Variants in CEP70 observed in about 807,000 individuals in gnomAD.
The protein encoded by CEP70 is centrosomal protein 70, also known as centrosomal protein of 70 kDa.
Under a neutral mutation model 90.9 loss-of-function variants are expected in CEP70, and 70 were observed. That is an observed-to-expected ratio of 0.77 (90% confidence interval 0.64 to 0.94). CEP70 has a LOEUF of 0.94. CEP70 is among the 40% of genes least tolerant of loss of function. The probability of loss-of-function intolerance (pLI) is 0.00; values close to 1 mark genes in which losing one functional copy is unlikely to be tolerated. For synonymous variants in CEP70, 220 were observed against 228.3 expected, an observed-to-expected ratio of 0.96 and a Z score of 0.33; for missense variants, 648 against 669.0, an observed-to-expected ratio of 0.97 and a Z score of 0.35.
At chr3:138,509,694 A>T (rs556710858) in intron 11 of CEP70, among the ~76,000 whole-genome samples, 125 of 151,058 alleles carry the variant, frequency 8.3e-4, no homozygotes, top group Non-Finnish European at 1.5e-3. Flanking sequence ...TTTTTATTTT[A>T]TTTTTTTTTA....
intron 6 of CEP70, among the ~76,000 whole-genome samples, chr3:138,562,840 A>C (rs921213255): frequency 6.6e-6 from 1 of 152,190 alleles, no homozygotes; most frequent in Non-Finnish European, 1.5e-5. Flanking sequence ...TACAGGATCA[A>C]ATTCACACAT....
intron 6 of CEP70, among the ~76,000 whole-genome samples, chr3:138,543,081 C>A (rs2038895109): frequency 6.6e-6 from 1 of 152,202 alleles, no homozygotes; most frequent in South Asian, 2.1e-4. Flanking sequence ...AGTTCTCACT[C>A]CAGGTTGCGG....
chr3:138,582,240 G>A (rs1478890789), intron 2 of CEP70, among the ~76,000 whole-genome samples: 11 of 152,144 alleles, frequency 7.2e-5, no homozygotes, highest in Admixed American at 3.3e-4. Flanking sequence ...TTGGGAGGCC[G>A]AGATGGGTGG....
intron 17 of CEP70, chr3:138,496,796 C>T: frequency 1.0e-6 from 1 of 985,416 alleles, no homozygotes; most frequent in Non-Finnish European, 1.2e-6. Flanking sequence ...CAGAATTCAT[C>T]TCCAGAGAAA....
At position 138,520,821 on chromosome 3, in the gene CEP70, C is replaced by T. The variant is rs1404708412; in HGVS notation, c.944+4669G>A. ...CTTTTCACGGTCTCCCCCTCTCCCT[C>T]GTCTCCGTCTCCCACTTGGCCACAG... On this transcript the variant is annotated intron_variant, in intron 11 of 17. Coordinates refer to ENST00000264982, the MANE Select transcript of CEP70 (RefSeq NM_024491.4). Among the ~76,000 whole-genome samples, 10 of 152,202 alleles carry T rather than the reference C, an allele frequency of 6.6e-5. No individual in the cohort carries two copies. In the East Asian group the frequency reaches 1.4e-3, roughly 21 times the overall value.
At chr3:138,497,525 C>T (rs2034055612) in intron 17 of CEP70, 1 of 970,088 alleles carries the variant, frequency 1.0e-6, no homozygotes, top group Non-Finnish European at 1.2e-6. Context: ...TTAGGAGACA[C>T]TACTACTAAT....
chr3:138,581,038 ACT>A (rs1380226687), intron 2 of CEP70, among the ~76,000 whole-genome samples: 1 of 151,842 alleles, frequency 6.6e-6, no homozygotes, highest in Non-Finnish European at 1.5e-5. Context: ...TAATCCCAAC[ACT>A]CTGGGAGGCC....
chr3:138,517,502 TA>T (rs1309857598), intron 11 of CEP70, among the ~76,000 whole-genome samples: 2 of 151,982 alleles, frequency 1.3e-5, no homozygotes, highest in East Asian at 3.9e-4. Flanking sequence ...CCGTCTCTAC[TA>T]AAAATACAAA....
At chr3:138,515,490 T>G (rs1182428328) in intron 11 of CEP70, among the ~76,000 whole-genome samples, 1 of 109,920 alleles carries the variant, frequency 9.1e-6, no homozygotes, top group South Asian at 2.9e-4. Context: ...AAAAAAAAAG[T>G]ATCACTAAAT....
At chr3:138,581,460 T>C (rs1298706161) in intron 2 of CEP70, among the ~76,000 whole-genome samples, 2 of 151,476 alleles carry the variant, frequency 1.3e-5, no homozygotes, top group Non-Finnish European at 2.9e-5. Context: ...TCTCAGCACT[T>C]TGAGAGGTGA....
chr3:138,526,268 C>A (rs1190014785), intron 10 of CEP70, among the ~76,000 whole-genome samples: 1 of 152,056 alleles, frequency 6.6e-6, no homozygotes, highest in Non-Finnish European at 1.5e-5. Flanking sequence ...TCAAGCTATT[C>A]TCTCACCTTG....
intron 6 of CEP70, among the ~76,000 whole-genome samples, chr3:138,543,343 G>C (rs2038915726): frequency 6.6e-6 from 1 of 152,216 alleles, no homozygotes; most frequent in Non-Finnish European, 1.5e-5. Flanking sequence ...CAAGGCAGTA[G>C]GGGGCTGGCA....
chr3:138,593,045 G>C (rs2042462498), intron 1 of CEP70: 1 of 152,206 alleles, frequency 6.6e-6, no homozygotes, highest in Non-Finnish European at 1.5e-5. Flanking sequence ...CAGGAGAGGT[G>C]ACATGAAGGG....
intron 12 of CEP70, among the ~76,000 whole-genome samples, chr3:138,507,298 G>C (rs1024663761): frequency 1.3e-5 from 2 of 152,072 alleles, no homozygotes; most frequent in African/African-American, 4.8e-5. Context: ...CCTGATGAAA[G>C]TACATATTTC....
At chr3:138,573,806 G>A (rs2041339885) in intron 2 of CEP70, among the ~76,000 whole-genome samples, 1 of 152,196 alleles carries the variant, frequency 6.6e-6, no homozygotes, top group East Asian at 1.9e-4. Flanking sequence ...AATGGAGGTG[G>A]ACACTGGTAA....
intron 6 of CEP70, among the ~76,000 whole-genome samples, chr3:138,561,176 G>C (rs1214320921): frequency 6.6e-6 from 1 of 152,114 alleles, no homozygotes; most frequent in Non-Finnish European, 1.5e-5. Context: ...CCTCTGGGAT[G>C]AATCTTCCAG....
chr3:138,575,503 T>A (rs894271849), intron 2 of CEP70, among the ~76,000 whole-genome samples: 7 of 152,098 alleles, frequency 4.6e-5, no homozygotes. Flanking sequence ...ATGGGGGGAA[T>A]GGAACCAAGC....
At chr3:138,558,956 C>T (rs1228215032) in intron 6 of CEP70, among the ~76,000 whole-genome samples, 1 of 152,104 alleles carries the variant, frequency 6.6e-6, no homozygotes, top group Non-Finnish European at 1.5e-5. Context: ...TAAAATTAAC[C>T]ATTTTAAAGT....
chr3:138,514,568 C>G (rs1009433937), intron 11 of CEP70, among the ~76,000 whole-genome samples: 1 of 152,010 alleles, frequency 6.6e-6, no homozygotes, highest in Non-Finnish European at 1.5e-5. Context: ...TCTGGCACTA[C>G]AGAAATAAAA....
Sources: gnomAD v4.1 joint callset for allele counts (sites outside exome capture counted in the v4.1 genomes callset) on GRCh38, gnomAD v4.1.1 for gene constraint, MANE v1.5 for transcripts, NCBI Gene and HGNC (gene_info 2026-07-23, HGNC 2026-07-21) for gene names.